The following ANKRD44 variants were observed in gnomAD, a reference collection of about 807,000 sequenced individuals.
ANKRD44 encodes the protein ankyrin repeat domain 44, also known as serine/threonine-protein phosphatase 6 regulatory ankyrin repeat subunit B.
In ANKRD44, 35 loss-of-function variants were observed where a neutral mutation model predicts 116.0. That is an observed-to-expected ratio of 0.30 (90% CI 0.23 to 0.40). The LOEUF is 0.40. Ranked by LOEUF, ANKRD44 falls within the 10% of genes least tolerant of loss-of-function variation. The probability of loss-of-function intolerance (pLI) is 1.00; values close to 1 mark genes in which losing one functional copy is unlikely to be tolerated. For synonymous variants in ANKRD44, 435 were observed against 461.8 expected (o/e 0.94, Z 0.74); for missense variants, 1,014 against 1,242.6 (o/e 0.82, Z 2.77).
At chr2:197,075,332 T>G (rs2077643192) in intron 16 of ANKRD44, among the ~76,000 whole-genome samples, 1 of 152,158 alleles carries the variant, frequency 6.6e-6, no homozygotes, top group Non-Finnish European at 1.5e-5. Flanking sequence ...TCAGAGCCAG[T>G]AAGAATACAT....
In ANKRD44 at chr2:197,293,598, G is replaced by C. The variant is rs1574462691; in HGVS notation, c.27+16980C>G. ...CAAAATTCTAAAAAAAGAAAACAAA[G>C]CATATTAGAGAGGAATTTTGGGGAT... On this transcript the variant is annotated intron_variant, in intron 1 of 27. Coordinates refer to ENST00000282272, the MANE Select transcript of ANKRD44 (RefSeq NM_001195144.2). Among the ~76,000 whole-genome samples the C allele has an allele frequency of 2.6e-5, 4 of 152,232 alleles. No individual in the cohort carries two copies. In the South Asian group the frequency reaches 8.3e-4, roughly 32 times the overall value.
intron 1 of ANKRD44, among the ~76,000 whole-genome samples, chr2:197,217,065 T>C (rs1574293742): frequency 6.6e-6 from 1 of 152,346 alleles, no homozygotes; most frequent in Middle Eastern, 3.4e-3. Context: ...AAGGTTTGAC[T>C]ATTTTCTCAT....
chr2:196,989,750 C>T (rs929337936), intron 27 of ANKRD44, 101 bp from the exon 28 acceptor site: 201 of 1,515,586 alleles, frequency 1.3e-4, no homozygotes, highest in Admixed American at 4.8e-4. Context: ...CTACTTTCTG[C>T]TTTCACTTTT....
chr2:197,013,425 G>A, intron 18 of ANKRD44, 86 bp downstream of exon 18: 1 of 1,399,064 alleles, frequency 7.1e-7, no homozygotes, highest in Non-Finnish European at 9.9e-7. Flanking sequence ...TAAAAAACTG[G>A]GATGAAAGAA....
chr2:197,306,208 C>T (rs1038496382), intron 1 of ANKRD44, among the ~76,000 whole-genome samples: 2 of 152,054 alleles, frequency 1.3e-5, no homozygotes, highest in African/African-American at 4.8e-5. Context: ...CCCATTAATC[C>T]CATGGCTGCA....
intron 16 of ANKRD44, among the ~76,000 whole-genome samples, chr2:197,061,682 C>T (rs2077316388): frequency 6.6e-6 from 1 of 151,900 alleles, no homozygotes; most frequent in African/African-American, 2.4e-5. Context: ...TGTTATTGCC[C>T]TATGGAGAAC....
chr2:197,126,197 A>G (rs1363706065), intron 4 of ANKRD44, among the ~76,000 whole-genome samples, 160 bp from the exon 5 acceptor site: 1 of 152,256 alleles, frequency 6.6e-6, no homozygotes. Context: ...AAAGATCAAA[A>G]GAGTGGCAAA....
At chr2:197,248,589 T>TAA (rs139447662) in intron 1 of ANKRD44, among the ~76,000 whole-genome samples, 7 of 150,092 alleles carry the variant, frequency 4.7e-5, no homozygotes, top group African/African-American at 1.7e-4. Flanking sequence ...TATATATATA[T>TAA]ATAAAGAGAG....
chr2:197,082,578 T>C (rs1362192948), intron 14 of ANKRD44, among the ~76,000 whole-genome samples: 2 of 152,234 alleles, frequency 1.3e-5, no homozygotes, highest in African/African-American at 4.8e-5. Flanking sequence ...AATGTGCATA[T>C]GGGGTCATGA....
At chr2:197,138,731 G>A (rs1014785993) in intron 3 of ANKRD44, among the ~76,000 whole-genome samples, 1 of 152,122 alleles carries the variant, frequency 6.6e-6, no homozygotes, top group South Asian at 2.1e-4. Flanking sequence ...CTAGTAAGCC[G>A]AGTGCACATG....
chr2:197,265,135 C>A (rs2082707591), intron 1 of ANKRD44, among the ~76,000 whole-genome samples: 1 of 151,422 alleles, frequency 6.6e-6, no homozygotes, highest in Non-Finnish European at 1.5e-5. Context: ...CAAATAAGTG[C>A]AAAGACATCA....
At chr2:196,979,594 G>A (rs377300528) in intron 21 of ANKRD44, among the ~76,000 whole-genome samples, 4 of 110,398 alleles carry the variant, frequency 3.6e-5, no homozygotes, top group African/African-American at 1.4e-4. Flanking sequence ...ACAGAGTTTG[G>A]CTCTTGTTGC....
intron 1 of ANKRD44, among the ~76,000 whole-genome samples, chr2:197,305,967 T>TTTTATA (rs1553555500): frequency 2.4e-5 from 3 of 124,736 alleles, no homozygotes; most frequent in South Asian, 2.4e-4. Flanking sequence ...GCAGTTCGTT[T>TTTTATA]TATATATATA....
intron 17 of ANKRD44, chr2:197,015,373 G>C: frequency 1.7e-6 from 1 of 575,952 alleles, no homozygotes; most frequent in Non-Finnish European, 3.1e-6. Context: ...AGGCAGATTG[G>C]AAAAAAAGAG....
chr2:197,038,956 A>G (rs1252161395), intron 16 of ANKRD44, among the ~76,000 whole-genome samples: 1 of 152,216 alleles, frequency 6.6e-6, no homozygotes, highest in East Asian at 1.9e-4. Context: ...TGAAAAAAAA[A>G]TAATCAAAGT....
chr2:197,161,031 C>CA lies in ANKRD44; in HGVS notation c.112-13927dup, dbSNP rs527732509. On this transcript the variant is annotated intron_variant, in intron 2 of 27. Transcript: ENST00000282272. The stretch of plus-strand genomic sequence containing the variant: ...ACCAGGGGGTCGCTTTCTGTATCAA[C>CA]AAAAAAAAGGAAGTATTCTTCTATG... 2.0e-5 allele frequency among the ~76,000 whole-genome samples: 3 copies of CA among 151,406 alleles called. 1 individual carries two copies. The highest frequency in any genetic ancestry group is 3.0e-5 in the Non-Finnish European group (2 of 67,738).
chr2:197,254,192 A>G (rs2082386202), intron 1 of ANKRD44, among the ~76,000 whole-genome samples: 1 of 152,234 alleles, frequency 6.6e-6, no homozygotes, highest in Non-Finnish European at 1.5e-5. Context: ...CAGGAGTTTG[A>G]GACCAGCCCG....
chr2:197,272,395 G>A (rs1165839526), intron 1 of ANKRD44, among the ~76,000 whole-genome samples: 2 of 152,130 alleles, frequency 1.3e-5, no homozygotes, highest in East Asian at 1.9e-4. Flanking sequence ...GTGCCACCAC[G>A]CCCAGCTAAT....
At chr2:197,290,766 A>T (rs568989845) in intron 1 of ANKRD44, among the ~76,000 whole-genome samples, 2 of 152,150 alleles carry the variant, frequency 1.3e-5, no homozygotes, top group Non-Finnish European at 2.9e-5. Flanking sequence ...TTCTATTACA[A>T]AGCATTGTAA....
Sources: gnomAD v4.1 joint callset for allele counts (sites outside exome capture counted in the v4.1 genomes callset) on GRCh38, gnomAD v4.1.1 for gene constraint, MANE v1.5 for transcripts, NCBI Gene and HGNC (gene_info 2026-07-23, HGNC 2026-07-21) for gene names.